HSPD1: variants seen among roughly 807,000 people sequenced by gnomAD.
The protein encoded by HSPD1 is heat shock protein family D (Hsp60) member 1.
HSPD1 carries 3 observed loss-of-function variants against 53.0 expected under a neutral mutation model. The observed-to-expected ratio is 0.06, with a 90% CI of 0.03 to 0.15. HSPD1 has a LOEUF of 0.15. Among genes scored for constraint, HSPD1 ranks in the 10% least tolerant of loss-of-function variants. The pLI is 1.00. For missense variants in HSPD1, 431 were observed against 694.1 expected (o/e 0.62, Z 4.26); for synonymous variants, 200 against 228.0 (o/e 0.88, Z 1.10).
intron 3 of HSPD1, among the ~76,000 whole-genome samples, chr2:197,496,292 T>C (rs981667041): frequency 1.3e-5 from 2 of 152,250 alleles, no homozygotes; most frequent in African/African-American, 4.8e-5. Flanking sequence ...GTAAGTCCTC[T>C]TCATAACCTT....
chr2:197,499,877 C>G (rs2106083119), upstream of HSPD1: 1 of 153,278 alleles, frequency 6.5e-6, no homozygotes, highest in Non-Finnish European at 1.5e-5. Flanking sequence ...GAGCCCGTGT[C>G]CCCTCCCTCC....
intron 2 of HSPD1, 22 bp from the exon 3 acceptor site, chr2:197,497,414 G>T: frequency 6.2e-7 from 1 of 1,611,404 alleles, no homozygotes; most frequent in Non-Finnish European, 8.5e-7. Flanking sequence ...AAATGTAACA[G>T]GATCAGACAT....
chr2:197,486,836 C>A lies in HSPD1; in HGVS notation c.*210G>T. On this transcript the variant is annotated 3_prime_UTR_variant, in exon 12 of 12. Transcript: ENST00000388968. The stretch of plus-strand genomic sequence containing the variant: ...TACAAATGTTTTTTATTCAAAAATA[C>A]AAAATAAATTATCTGTAGGCATGGA... 1.8e-6 allele frequency: 1 copy of A among 562,892 alleles called. No individual in the cohort carries two copies. The highest frequency in any genetic ancestry group is 3.2e-6 in the Non-Finnish European group (1 of 314,902). 34.9% of individuals were successfully genotyped at this position (562,892 alleles called of 1,614,324 possible).
intron 3 of HSPD1, among the ~76,000 whole-genome samples, chr2:197,495,932 A>G (rs2086152220): frequency 6.6e-6 from 1 of 152,214 alleles, no homozygotes; most frequent in Non-Finnish European, 1.5e-5. Context: ...TAGTTTCAAA[A>G]GTCTCACCAC....
intron 11 of HSPD1, 44 bp from the exon 12 acceptor site, chr2:197,487,242 G>A (rs1464186171): frequency 6.4e-7 from 1 of 1,558,084 alleles, no homozygotes; most frequent in Non-Finnish European, 8.8e-7. Context: ...AGTAAAATAT[G>A]AGCAAGACTT....
rs142434352 is a variant in HSPD1, at chr2:197,488,728, C to A, written c.1216-237G>T. 5.1e-4 allele frequency among the ~76,000 whole-genome samples: 77 copies of A among 152,218 alleles called. 2 individuals carry two copies. The South Asian group carries it at 8.3e-3, about 16-fold the overall frequency. On this transcript the variant is annotated intron_variant, in intron 9 of 11. Transcript: ENST00000388968. ...CACTAAAAATACAAAATTAGCCAGG[C>A]ATGGTGGCAAGTGCCTGTAATCCCA...
At chr2:197,493,185 AT>A (rs1411236122) in intron 7 of HSPD1, 138 bp downstream of exon 7, 24 of 783,948 alleles carry the variant, frequency 3.1e-5, no homozygotes, top group Non-Finnish European at 5.2e-5. Flanking sequence ...AGCACACCTG[AT>A]TTACACAATT....
chr2:197,498,557 TAA>T (rs1559304282), intron 2 of HSPD1, 116 bp downstream of exon 2: 2 of 932,300 alleles, frequency 2.1e-6, no homozygotes, highest in Non-Finnish European at 3.4e-6. Flanking sequence ...TTCTTACATG[TAA>T]ACTGAGTTCT....
At chr2:197,487,247 A>G in intron 11 of HSPD1, 49 bp from the exon 12 acceptor site, 1 of 1,544,844 alleles carries the variant, frequency 6.5e-7, no homozygotes, top group Non-Finnish European at 8.9e-7. Context: ...AATATGAGCA[A>G]GACTTATTGA....
intron 1 of HSPD1, 108 bp downstream of exon 1, chr2:197,499,673 CG>C (rs1480141755): frequency 6.6e-6 from 1 of 152,022 alleles, no homozygotes; most frequent in Admixed American, 6.6e-5. Flanking sequence ...CGGCGCGGTG[CG>C]GAACTCCAGG....
At chr2:197,488,184 C>T in intron 10 of HSPD1, 133 bp downstream of exon 10, 1 of 1,003,854 alleles carries the variant, frequency 1.0e-6, no homozygotes, top group Non-Finnish European at 1.5e-6. Context: ...GCATGTTTAG[C>T]TCTGACATTA....
chr2:197,496,107 A>G (rs2086154093), intron 3 of HSPD1, among the ~76,000 whole-genome samples: 1 of 152,364 alleles, frequency 6.6e-6, no homozygotes, highest in Middle Eastern at 3.4e-3. Flanking sequence ...TGTTGTGACT[A>G]TGCCTCTGCA....
rs375736101 is a variant in HSPD1 at position 197,487,210 on chromosome 2, T to A, written c.1570-12A>T. ...GCAGTTCTCACAACCTAGAAAAAAATTTAATTAATTAGTTTTCCCTTAGTA... is the reference window on the plus strand; with the variant it reads ...GCAGTTCTCACAACCTAGAAAAAAAATTAATTAATTAGTTTTCCCTTAGTA... On this transcript the variant is annotated splice_polypyrimidine_tract_variant and intron_variant, in intron 11 of 11. Coordinates refer to ENST00000388968, the MANE Select transcript of HSPD1 (RefSeq NM_002156.5). 2.1e-5 allele frequency: 34 copies of A among 1,611,714 alleles called. No individual in the cohort carries two copies. The African/African-American group carries it at 2.4e-4, about 11-fold the overall frequency.
At chr2:197,495,441 T>C in intron 3 of HSPD1, 65 bp from the exon 4 acceptor site, 1 of 1,135,942 alleles carries the variant, frequency 8.8e-7, no homozygotes, top group Non-Finnish European at 1.3e-6. Context: ...CAAGTAGAAA[T>C]CTTGAGATTT....
In HSPD1 at chr2:197,489,876, A is replaced by G. The variant is rs188311597; in HGVS notation, c.969+321T>C. Among the ~76,000 whole-genome samples the G allele has an allele frequency of 2.6e-5, 4 of 151,926 alleles. No individual in the cohort carries two copies. In the East Asian group the frequency reaches 7.7e-4, roughly 29 times the overall value. ...TGTCTCAAAAAAAAAAAGAAACCCC[A>G]CAGATTTAAGTCAATAAGAATAGTC... is the stretch of plus-strand genomic sequence containing the variant. On this transcript the variant is annotated intron_variant, in intron 8 of 11. Coordinates refer to ENST00000388968, the MANE Select transcript of HSPD1 (RefSeq NM_002156.5).
intron 2 of HSPD1, 102 bp from the exon 3 acceptor site, chr2:197,497,494 ACGT>A (rs1397347439): frequency 8.3e-6 from 10 of 1,197,648 alleles, no homozygotes; most frequent in Non-Finnish European, 1.2e-5. Context: ...CAAAGTCTCA[ACGT>A]AAGTTGTGTC....
chr2:197,490,230 C>A lies in HSPD1; in HGVS notation c.936G>T (p.Gln312His). ...CAGTAGCAATAGCCATATCTTTAAG[C>A]TGGTTCTTTCTATTGTCACCAAACC... ...APGFGDNRKNQLKDMAIATGG... is the reference protein window; with the variant it reads ...APGFGDNRKNHLKDMAIATGG... Residue 312 changes from glutamine (Q) to histidine (H), a missense_variant, in exon 8 of 12, where the codon CAG (glutamine) becomes CAT (histidine). Transcript: ENST00000388968. 6.2e-7 allele frequency: 1 copy of A among 1,613,882 alleles called. No individual in the cohort carries two copies. The highest frequency in any genetic ancestry group is 8.5e-7 in the Non-Finnish European group (1 of 1,179,842).
At chr2:197,495,248 G>A (rs771186767) in intron 4 of HSPD1, 46 bp downstream of exon 4, 7 of 1,065,508 alleles carry the variant, frequency 6.6e-6, no homozygotes, top group South Asian at 5.1e-5. Context: ...AATCACACAT[G>A]CCATTAAATT....
chr2:197,498,549 C>G (rs2086190395), intron 2 of HSPD1, 126 bp downstream of exon 2: 2 of 876,506 alleles, frequency 2.3e-6, no homozygotes, highest in Non-Finnish European at 3.7e-6. Flanking sequence ...CTTCAGAATT[C>G]TTACATGTAA....
Sources: allele counts gnomAD v4.1 joint callset (sites outside exome capture counted in the v4.1 genomes callset), GRCh38; gene constraint gnomAD v4.1.1; transcripts MANE v1.5; gene names NCBI Gene and HGNC (gene_info 2026-07-23, HGNC 2026-07-21).